Variants in NOL4 observed in about 807,000 individuals in gnomAD.
NOL4 encodes the protein nucleolar protein 4.
In NOL4, 17 loss-of-function variants were observed where a neutral mutation model predicts 75.9. The observed-to-expected ratio is 0.22, with a 90% CI of 0.15 to 0.34. The LOEUF is 0.34. Among genes scored for constraint, NOL4 ranks in the 10% least tolerant of loss-of-function variants. NOL4 has a pLI of 1.00. For missense variants in NOL4, 614 were observed against 793.5 expected, an observed-to-expected ratio of 0.77 and a Z score of 2.72; for synonymous variants, 292 against 289.9, an observed-to-expected ratio of 1.01 and a Z score of -0.07.
intron 5 of NOL4, among the ~76,000 whole-genome samples, chr18:34,091,970 C>G (rs1190851110): frequency 6.6e-6 from 1 of 152,074 alleles, no homozygotes; most frequent in Non-Finnish European, 1.5e-5. Context: ...CAAAGACCTG[C>G]AGCTTGCAAC....
At chr18:34,031,101 G>A (rs1440521447) in intron 5 of NOL4, among the ~76,000 whole-genome samples, 2 of 152,052 alleles carry the variant, frequency 1.3e-5, no homozygotes, top group East Asian at 3.9e-4. Flanking sequence ...AGTAGTTCAG[G>A]AAGGGCACTT....
At chr18:34,034,157 T>C (rs559764806) in intron 5 of NOL4, among the ~76,000 whole-genome samples, 4 of 152,132 alleles carry the variant, frequency 2.6e-5, no homozygotes, top group African/African-American at 9.6e-5. Flanking sequence ...GACTCAATGA[T>C]AACACTACAG....
At chr18:34,195,666 G>C (rs1209255529) in intron 1 of NOL4, among the ~76,000 whole-genome samples, 1 of 148,692 alleles carries the variant, frequency 6.7e-6, no homozygotes, top group Admixed American at 6.7e-5. Flanking sequence ...ACAAAGCTTT[G>C]TACCGGTGTG....
chr18:34,023,544 T>C, intron 5 of NOL4: 1 of 454,612 alleles, frequency 2.2e-6, no homozygotes, highest in Non-Finnish European at 4.4e-6. Context: ...GTGGTTCTTC[T>C]CTCAAGGTTT....
chr18:34,206,836 T>C (rs911392921), intron 1 of NOL4, among the ~76,000 whole-genome samples: 1 of 152,078 alleles, frequency 6.6e-6, no homozygotes, highest in Non-Finnish European at 1.5e-5. Flanking sequence ...CCTTCTATGA[T>C]TCCACTGGCA....
chr18:34,081,735 C>T (rs1037203982), intron 5 of NOL4, among the ~76,000 whole-genome samples: 7 of 151,982 alleles, frequency 4.6e-5, no homozygotes, highest in Non-Finnish European at 8.8e-5. Context: ...ATAAATGCAG[C>T]CAAAGAGGGC....
At chr18:33,860,983 C>T (rs2063096698) in intron 10 of NOL4, among the ~76,000 whole-genome samples, 1 of 152,214 alleles carries the variant, frequency 6.6e-6, no homozygotes, top group Non-Finnish European at 1.5e-5. Flanking sequence ...AGGGATGAAG[C>T]TCACTTGATC....
intron 9 of NOL4, among the ~76,000 whole-genome samples, chr18:33,914,110 G>T (rs867742724): frequency 6.6e-6 from 1 of 151,974 alleles, no homozygotes; most frequent in Non-Finnish European, 1.5e-5. Context: ...GCACCAAAAA[G>T]AAATAAAAAG....
At chr18:34,151,762 G>A (rs2081649909) in intron 1 of NOL4, among the ~76,000 whole-genome samples, 1 of 151,848 alleles carries the variant, frequency 6.6e-6, no homozygotes. Context: ...CTTTGGTGCA[G>A]GATGTTGATA....
At chr18:33,957,596 G>T in intron 7 of NOL4, 79 bp from the exon 8 acceptor site, 6 of 1,137,264 alleles carry the variant, frequency 5.3e-6, no homozygotes, top group Non-Finnish European at 4.9e-6. Flanking sequence ...CTTGATTACC[G>T]ATAGGAAAAT....
intron 2 of NOL4, among the ~76,000 whole-genome samples, chr18:34,114,191 T>C (rs2079740979): frequency 6.6e-6 from 1 of 152,228 alleles, no homozygotes; most frequent in African/African-American, 2.4e-5. Context: ...AGATGGAAAT[T>C]GGATTTTGAA....
chr18:33,953,486 T>C (rs1173828863), intron 8 of NOL4, among the ~76,000 whole-genome samples: 2 of 150,398 alleles, frequency 1.3e-5, no homozygotes, highest in Admixed American at 1.3e-4. Flanking sequence ...CACATAAAAT[T>C]GGAAACTGTA....
At chr18:33,866,266 A>T (rs1423802786) in intron 10 of NOL4, among the ~76,000 whole-genome samples, 2 of 152,112 alleles carry the variant, frequency 1.3e-5, no homozygotes, top group Admixed American at 6.6e-5. Flanking sequence ...GCAAAACTCA[A>T]ATCTCCTGGA....
chr18:33,907,739 T>G (rs746865961), intron 9 of NOL4, among the ~76,000 whole-genome samples: 12 of 152,156 alleles, frequency 7.9e-5, no homozygotes, highest in African/African-American at 1.2e-4. Context: ...TATCTGCAAT[T>G]TAATCAAATT....
chr18:33,857,254 T>TA (rs2062878960), intron 10 of NOL4, among the ~76,000 whole-genome samples: 2 of 152,028 alleles, frequency 1.3e-5, no homozygotes, highest in African/African-American at 4.8e-5. Flanking sequence ...TGTACTAAAA[T>TA]ATTGCTGAGT....
At chr18:34,132,438 T>C (rs541858015) in intron 1 of NOL4, among the ~76,000 whole-genome samples, 6 of 152,298 alleles carry the variant, frequency 3.9e-5, no homozygotes, top group Non-Finnish European at 7.4e-5. Context: ...CAGTCAACAT[T>C]GTCTCAAGAA....
chr18:33,945,160 T>C (rs1009461613), intron 8 of NOL4, among the ~76,000 whole-genome samples: 9 of 151,876 alleles, frequency 5.9e-5, no homozygotes, highest in African/African-American at 1.7e-4. Context: ...ATTAAGAGAA[T>C]CTAAATAAAA....
At chr18:34,123,216 T>C (rs114771455) in intron 2 of NOL4, among the ~76,000 whole-genome samples, 2,680 of 151,724 alleles carry the variant, frequency 0.018, 74 homozygotes, top group African/African-American at 0.062. Context: ...CAACTACACC[T>C]ATATGAGATA....
rs971710832 is a variant in NOL4 at position 34,224,518 on chromosome 18, G to C, written c.-1265C>G. On this transcript the variant is annotated 5_prime_UTR_variant, in exon 1 of 11. Transcript: ENST00000261592. ...AAATAGGGGAGTTCCCATCCTCCTC[G>C]CGCGGCGGCTGCGGCCGCTCCTCTT... is the stretch of plus-strand genomic sequence containing the variant. 4 of 152,236 alleles carry C rather than the reference G, an allele frequency of 2.6e-5. No homozygotes were observed. The highest frequency in any genetic ancestry group is 5.9e-5 in the Non-Finnish European group (4 of 68,124). 9.4% of individuals were successfully genotyped at this position (152,236 alleles called of 1,614,324 possible). A position where few individuals can be genotyped will look rare whatever the true frequency, so the allele number is the denominator to read the frequency against.
Sources: allele counts gnomAD v4.1 joint callset (sites outside exome capture counted in the v4.1 genomes callset), GRCh38; gene constraint gnomAD v4.1.1; transcripts MANE v1.5; gene names NCBI Gene and HGNC (gene_info 2026-07-23, HGNC 2026-07-21).